SDK1: variants seen among roughly 807,000 people sequenced by gnomAD.
The protein encoded by SDK1 is protein sidekick-1.
Under a neutral mutation model 245.5 loss-of-function variants are expected in SDK1, and 157 were observed. The ratio of observed to expected loss-of-function variants is 0.64; its 90% CI spans 0.56 to 0.73. SDK1 has a LOEUF of 0.73. Ranked by LOEUF, SDK1 falls within the 30% of genes least tolerant of loss-of-function variation. SDK1 has a pLI of 0.00. For synonymous variants in SDK1, 1,647 were observed against 1,278.5 expected (o/e 1.29, Z -6.15); for missense variants, 3,583 against 3,002.3 (o/e 1.19, Z -4.52).
chr7:3,828,081 C>T (rs1411013455), intron 5 of SDK1, among the ~76,000 whole-genome samples: 1 of 152,036 alleles, frequency 6.6e-6, no homozygotes, highest in Admixed American at 6.5e-5. Context: ...AGTTTGAGAC[C>T]AGCCTAACTA....
At chr7:4,163,326 C>A (rs1223236223) in intron 32 of SDK1, among the ~76,000 whole-genome samples, 1 of 152,180 alleles carries the variant, frequency 6.6e-6, no homozygotes, top group Non-Finnish European at 1.5e-5. Context: ...GTGCCCGATG[C>A]AGCAGGTGGG....
At chr7:3,549,267 G>T (rs765827881) in intron 1 of SDK1, among the ~76,000 whole-genome samples, 6 of 152,112 alleles carry the variant, frequency 3.9e-5, no homozygotes, top group Non-Finnish European at 8.8e-5. Context: ...GTGAGGATGC[G>T]TTGTTTTTGT....
chr7:4,074,858 C>T (rs1284679727), intron 20 of SDK1, among the ~76,000 whole-genome samples: 7 of 81,082 alleles, frequency 8.6e-5, no homozygotes, highest in African/African-American at 3.0e-4. Context: ...GCAAGACTTT[C>T]TCTCTCTCTC....
chr7:4,135,341 C>G (rs951787535), intron 28 of SDK1, among the ~76,000 whole-genome samples: 1 of 152,168 alleles, frequency 6.6e-6, no homozygotes, highest in African/African-American at 2.4e-5. Flanking sequence ...GGAGTGCTCA[C>G]CAGGAAAGGT....
chr7:4,126,153 G>A (rs1784379246), intron 25 of SDK1, among the ~76,000 whole-genome samples: 1 of 152,188 alleles, frequency 6.6e-6, no homozygotes, highest in Non-Finnish European at 1.5e-5. Context: ...TCCCAGCTGA[G>A]AGCAGCTCCT....
intron 17 of SDK1, among the ~76,000 whole-genome samples, chr7:4,018,280 G>A (rs1786583330): frequency 6.6e-6 from 1 of 152,164 alleles, no homozygotes; most frequent in Non-Finnish European, 1.5e-5. Context: ...GTTTCTGACT[G>A]CCCAATTCTC....
intron 4 of SDK1, among the ~76,000 whole-genome samples, chr7:3,653,031 A>G (rs7805946): frequency 0.33 from 50,141 of 152,068 alleles, 8,683 homozygotes; most frequent in South Asian, 0.45. Flanking sequence ...TATTCCATTC[A>G]GTGCCAAACA....
chr7:4,016,030 T>C (rs1411612789), intron 16 of SDK1, among the ~76,000 whole-genome samples: 1 of 152,262 alleles, frequency 6.6e-6, no homozygotes, highest in African/African-American at 2.4e-5. Flanking sequence ...CCTGAATTTC[T>C]GGGTTTCTTC....
intron 41 of SDK1, 55 bp downstream of exon 41, chr7:4,233,474 G>A: frequency 1.9e-6 from 3 of 1,542,780 alleles, no homozygotes; most frequent in Non-Finnish European, 2.6e-6. Context: ...GGAGAAATGG[G>A]GTCGAGGGGG....
chr7:3,877,491 T>C (rs6952864), intron 5 of SDK1, among the ~76,000 whole-genome samples: 29,632 of 152,126 alleles, frequency 0.19, 3,045 homozygotes, highest in Middle Eastern at 0.29. Context: ...TTTTGGGGAT[T>C]AGTTAATTGA....
chr7:3,726,088 C>A (rs550421788), intron 4 of SDK1, among the ~76,000 whole-genome samples: 1 of 152,190 alleles, frequency 6.6e-6, no homozygotes, highest in East Asian at 1.9e-4. Context: ...TTCCTCACAG[C>A]CTCCCAGTGA....
At chr7:3,870,143 A>G (rs1780921218) in intron 5 of SDK1, among the ~76,000 whole-genome samples, 1 of 152,226 alleles carries the variant, frequency 6.6e-6, no homozygotes, top group African/African-American at 2.4e-5. Context: ...AGGGAAGTTT[A>G]TGTAAAGCTA....
At chr7:4,185,630 T>G (rs1328855467) in intron 35 of SDK1, among the ~76,000 whole-genome samples, 1 of 152,142 alleles carries the variant, frequency 6.6e-6, no homozygotes, top group Non-Finnish European at 1.5e-5. Flanking sequence ...GTCTTCTCTT[T>G]CCCGGGCAGG....
At chr7:3,818,987 GCA>G (rs1779580056) in intron 4 of SDK1, among the ~76,000 whole-genome samples, 1 of 152,178 alleles carries the variant, frequency 6.6e-6, no homozygotes, top group African/African-American at 2.4e-5. Flanking sequence ...GACAGGATGG[GCA>G]CACGATACTT....
rs541388262 is a variant in SDK1 at position 3,600,917 on chromosome 7, A to G, written c.299-18163A>G. Among the ~76,000 whole-genome samples the G allele has an allele frequency of 6.4e-4, 97 of 152,260 alleles. 3 individuals are homozygous for G. In the South Asian group the frequency reaches 0.019, roughly 31 times the overall value. Reference sequence around the variant, plus strand: ...CTCCTCTCTATTCCTAATTCGGTGAATAGTTTTTAAGATCATGAATGTTGT... The same window carrying G: ...CTCCTCTCTATTCCTAATTCGGTGAGTAGTTTTTAAGATCATGAATGTTGT... On this transcript the variant is annotated intron_variant, in intron 1 of 44. Coordinates refer to ENST00000404826, the MANE Select transcript of SDK1 (RefSeq NM_152744.4).
At chr7:4,124,522 G>C (rs1252983215) in intron 25 of SDK1, among the ~76,000 whole-genome samples, 1 of 152,124 alleles carries the variant, frequency 6.6e-6, no homozygotes. Context: ...TGGATCAGGG[G>C]CCCACCCTAT....
chr7:3,478,023 C>T (rs1781399320), intron 1 of SDK1, among the ~76,000 whole-genome samples: 1 of 152,096 alleles, frequency 6.6e-6, no homozygotes, highest in African/African-American at 2.4e-5. Flanking sequence ...TATTGATTTG[C>T]AACATACTCC....
chr7:3,743,813 G>C (rs752711299), intron 4 of SDK1, among the ~76,000 whole-genome samples: 3 of 152,072 alleles, frequency 2.0e-5, no homozygotes, highest in South Asian at 4.1e-4. Context: ...GGATATCATT[G>C]TATGAAAGGG....
At chr7:4,042,844 G>C (rs564789464) in intron 17 of SDK1, among the ~76,000 whole-genome samples, 28 of 152,342 alleles carry the variant, frequency 1.8e-4, no homozygotes, top group South Asian at 1.4e-3. Flanking sequence ...TTTGCCGGCT[G>C]TAACTCTTTC....
Sources: allele counts gnomAD v4.1 joint callset (sites outside exome capture counted in the v4.1 genomes callset), GRCh38; gene constraint gnomAD v4.1.1; transcripts MANE v1.5; gene names NCBI Gene and HGNC (gene_info 2026-07-23, HGNC 2026-07-21).